The following RIT2 variants were observed in gnomAD, a reference collection of about 807,000 sequenced individuals.
RIT2 encodes GTP-binding protein Rit2.
In RIT2, 24 loss-of-function variants were observed where a neutral mutation model predicts 23.7. The observed-to-expected ratio is 1.01, with a 90% CI of 0.73 to 1.43. RIT2 has a LOEUF of 1.43. Among genes scored for constraint, RIT2 ranks in the 40% most tolerant of loss-of-function variants. The pLI is 0.00. For synonymous variants in RIT2, 107 were observed against 91.1 expected (o/e 1.17, Z -0.99); for missense variants, 236 against 266.9 (o/e 0.88, Z 0.81).
At chr18:43,104,674 T>C (rs1383934933) in intron 1 of RIT2, among the ~76,000 whole-genome samples, 2 of 152,074 alleles carry the variant, frequency 1.3e-5, no homozygotes, top group East Asian at 3.9e-4. Flanking sequence ...ATAATTATAT[T>C]GGAATAAAGT....
chr18:42,930,457 G>T (rs1393081069), intron 3 of RIT2, among the ~76,000 whole-genome samples: 1 of 151,980 alleles, frequency 6.6e-6, no homozygotes, highest in Non-Finnish European at 1.5e-5. Context: ...AAAGTATAGA[G>T]ATATTAAATG....
chr18:43,098,606 A>T (rs1388320510), intron 1 of RIT2, among the ~76,000 whole-genome samples: 1 of 151,974 alleles, frequency 6.6e-6, no homozygotes, highest in Non-Finnish European at 1.5e-5. Flanking sequence ...TAGTTACAAT[A>T]ACAATAGCAA....
chr18:42,815,924 A>G (rs1224777275), intron 4 of RIT2, among the ~76,000 whole-genome samples: 1 of 152,192 alleles, frequency 6.6e-6, no homozygotes. Context: ...TAACAACCAT[A>G]GACTATACAT....
At chr18:42,827,831 C>T (rs7236108) in intron 4 of RIT2, among the ~76,000 whole-genome samples, 2,151 of 151,658 alleles carry the variant, frequency 0.014, 41 homozygotes, top group African/African-American at 0.048. Context: ...CGGTGAAACC[C>T]CGTCTCTACT....
intron 2 of RIT2, among the ~76,000 whole-genome samples, chr18:43,005,743 A>G (rs1911212482): frequency 6.6e-6 from 1 of 151,866 alleles, no homozygotes; most frequent in South Asian, 2.1e-4. Context: ...GATTAGATTT[A>G]AGACTTATTA....
At chr18:42,763,528 T>A (rs1407698526) in intron 4 of RIT2, among the ~76,000 whole-genome samples, 1 of 151,560 alleles carries the variant, frequency 6.6e-6, no homozygotes, top group African/African-American at 2.4e-5. Flanking sequence ...GGACTGGAAG[T>A]TGCTCCCATG....
intron 4 of RIT2, among the ~76,000 whole-genome samples, chr18:42,753,370 G>C (rs2143887030): frequency 6.6e-6 from 1 of 152,288 alleles, no homozygotes; most frequent in Non-Finnish European, 1.5e-5. Context: ...CAACACAAAA[G>C]GAAACTCTGA....
intron 4 of RIT2, among the ~76,000 whole-genome samples, chr18:42,850,524 C>T (rs1907024896): frequency 6.6e-6 from 1 of 152,036 alleles, no homozygotes; most frequent in Admixed American, 6.5e-5. Context: ...AAAGATATTC[C>T]TGAAAGATGG....
At chr18:43,101,472 C>T (rs968427997) in intron 1 of RIT2, among the ~76,000 whole-genome samples, 1 of 151,922 alleles carries the variant, frequency 6.6e-6, no homozygotes, top group Admixed American at 6.6e-5. Context: ...TATACTGAAG[C>T]CATGTGACTG....
At chr18:43,070,118 T>C (rs2144334098) in intron 1 of RIT2, among the ~76,000 whole-genome samples, 1 of 152,246 alleles carries the variant, frequency 6.6e-6, no homozygotes, top group Non-Finnish European at 1.5e-5. Flanking sequence ...TGCGTATTGC[T>C]AGGAAAATAA....
Position 42,743,401 on chromosome 18 carries a change from A to T in RIT2, c.*92T>A. 1.1e-6 allele frequency: 1 copy of T among 894,314 alleles called. No individual in the cohort carries two copies. 55.4% of individuals were successfully genotyped at this position (894,314 alleles called of 1,614,324 possible). ...GGCAGATATTTAAAGAGAGAGAGACACATAGAGAGATAATATTGAAGCAGA... is the reference window on the plus strand; with the variant it reads ...GGCAGATATTTAAAGAGAGAGAGACTCATAGAGAGATAATATTGAAGCAGA... On this transcript the variant is annotated 3_prime_UTR_variant, in exon 5 of 5. Transcript: ENST00000326695.
At chr18:43,038,591 G>A (rs369452631) in intron 1 of RIT2, among the ~76,000 whole-genome samples, 1 of 151,756 alleles carries the variant, frequency 6.6e-6, no homozygotes, top group African/African-American at 2.4e-5. Context: ...TTTTTTCTCA[G>A]TATATATCTT....
intron 1 of RIT2, 35 bp downstream of exon 1, chr18:43,115,382 T>C (rs941689856): frequency 1.2e-6 from 2 of 1,610,848 alleles, no homozygotes. Context: ...TCTATAGAGG[T>C]CCCTCCTTCC....
intron 4 of RIT2, among the ~76,000 whole-genome samples, chr18:42,782,984 A>G (rs967888860): frequency 6.6e-6 from 1 of 152,110 alleles, no homozygotes; most frequent in African/African-American, 2.4e-5. Flanking sequence ...TGATGGGTAC[A>G]GTTATACATG....
At chr18:42,906,681 T>C (rs2144113688) in intron 4 of RIT2, among the ~76,000 whole-genome samples, 1 of 152,330 alleles carries the variant, frequency 6.6e-6, no homozygotes, top group Admixed American at 6.5e-5. Flanking sequence ...GCATTACTGA[T>C]AGATTGGAAA....
chr18:43,034,829 C>T (rs1199175505), intron 1 of RIT2, among the ~76,000 whole-genome samples: 2 of 152,170 alleles, frequency 1.3e-5, no homozygotes, highest in Non-Finnish European at 2.9e-5. Context: ...CCTGCTAAGT[C>T]AGTTTAGCAA....
intron 4 of RIT2, among the ~76,000 whole-genome samples, chr18:42,855,498 C>A (rs1306361567): frequency 6.6e-6 from 1 of 152,136 alleles, no homozygotes; most frequent in African/African-American, 2.4e-5. Flanking sequence ...CCTGACAAAA[C>A]CTGTAATGAG....
At chr18:43,099,151 T>A (rs539770606) in intron 1 of RIT2, among the ~76,000 whole-genome samples, 1 of 152,214 alleles carries the variant, frequency 6.6e-6, no homozygotes, top group African/African-American at 2.4e-5. Flanking sequence ...AATTTCCTTA[T>A]CATTTGTCTC....
At chr18:42,755,231 C>T (rs1362362871) in intron 4 of RIT2, among the ~76,000 whole-genome samples, 1 of 152,132 alleles carries the variant, frequency 6.6e-6, no homozygotes, top group Admixed American at 6.5e-5. Flanking sequence ...CTACTTCTTA[C>T]CATGACCTAC....
Sources: gnomAD v4.1 joint callset for allele counts (sites outside exome capture counted in the v4.1 genomes callset) on GRCh38, gnomAD v4.1.1 for gene constraint, MANE v1.5 for transcripts, NCBI Gene and HGNC (gene_info 2026-07-23, HGNC 2026-07-21) for gene names.